Variants in THAP4 observed in about 807,000 individuals in gnomAD.
THAP4 encodes the protein THAP domain containing 4.
In THAP4, 18 loss-of-function variants were observed where a neutral mutation model predicts 48.1. The ratio of observed to expected loss-of-function variants is 0.37; its 90% CI spans 0.26 to 0.56. The LOEUF (loss-of-function observed/expected upper bound fraction) is 0.56, where lower values mean the gene tolerates loss of function less well. Among genes scored for constraint, THAP4 ranks in the 20% least tolerant of loss-of-function variants. The pLI, the probability that THAP4 is intolerant of heterozygous loss-of-function variation, is 0.78. For synonymous variants in THAP4, 345 were observed against 324.9 expected (o/e 1.06, Z -0.66); for missense variants, 656 against 774.9 (o/e 0.85, Z 1.82).
chr2:241,623,522 T>C (rs2067460143), intron 2 of THAP4, among the ~76,000 whole-genome samples: 1 of 151,148 alleles, frequency 6.6e-6, no homozygotes, highest in African/African-American at 2.4e-5. Context: ...GAGGTTGCGG[T>C]GAGCCAAAAT....
At chr2:241,585,935 AAAAAAG>A (rs1553553074) in intron 5 of THAP4, among the ~76,000 whole-genome samples, 20 of 146,998 alleles carry the variant, frequency 1.4e-4, no homozygotes, top group African/African-American at 4.5e-4. Flanking sequence ...AAAAAGAAAA[AAAAAAG>A]AAAAAGAAAA....
rs754524902 is a variant in THAP4 at position 241,601,808 on chromosome 2, G to A, written c.1614+88C>T. The A allele has an allele frequency of 3.7e-5, 58 of 1,573,814 alleles. No individual in the cohort carries two copies. Among genetic ancestry groups the A allele is most frequent in the Non-Finnish European group, 4.7e-5 (54 of 1,158,724 alleles). Reference sequence around the variant, plus strand: ...CCTGTGAGACACAGTGGCAAGACACGCACTACCTCACGGAAGAGGAAGAGG... The same window carrying A: ...CCTGTGAGACACAGTGGCAAGACACACACTACCTCACGGAAGAGGAAGAGG... On this transcript the variant is annotated intron_variant, in intron 5 of 5. Coordinates refer to ENST00000407315, the MANE Select transcript of THAP4 (RefSeq NM_015963.6). This position sits in a 1 kb window ranked among gnomAD's most constrained non-coding sequence, Gnocchi z 4.0.
Position 241,597,920 on chromosome 2 carries a change from CT to C in THAP4, c.1614+3975del, listed in dbSNP as rs561287519. Among the ~76,000 whole-genome samples, 6 of 151,430 alleles carry C rather than the reference CT, an allele frequency of 4.0e-5. No individual in the cohort carries two copies. The East Asian group carries it at 1.2e-3, about 29-fold the overall frequency. On this transcript the variant is annotated intron_variant, in intron 5 of 5. Coordinates refer to ENST00000407315, the MANE Select transcript of THAP4 (RefSeq NM_015963.6). Reference sequence around the variant, plus strand: ...CCCTCTATTTGCAGAAAAAGAGCCACTTTTTGTTAAATTAATAAAACCCAAA... The same window carrying C: ...CCCTCTATTTGCAGAAAAAGAGCCACTTTTGTTAAATTAATAAAACCCAAA...
In THAP4 at chr2:241,612,465, G is replaced by A. The variant is rs1428756541; in HGVS notation, c.1241-5992C>T. ...AATGACACACCTGTCCCCACAGGAC[G>A]CTGCCCATGAATGTTTACAGCAGCA... On this transcript the variant is annotated intron_variant, in intron 2 of 5. Transcript: ENST00000407315. This position sits in a 1 kb window ranked among gnomAD's most constrained non-coding sequence, Gnocchi z 4.1. Among the ~76,000 whole-genome samples the A allele has an allele frequency of 3.3e-5, 5 of 152,264 alleles. No homozygotes were observed. Among genetic ancestry groups the A allele is most frequent in the Admixed American group, 6.5e-5 (1 of 15,296 alleles).
At chr2:241,615,811 A>C (rs1410560094) in intron 2 of THAP4, among the ~76,000 whole-genome samples, 1 of 152,082 alleles carries the variant, frequency 6.6e-6, no homozygotes, top group Non-Finnish European at 1.5e-5. Flanking sequence ...ACTGGCAGCC[A>C]CCCAGCACAT....
At chr2:241,596,663 T>C (rs1357912417) in intron 5 of THAP4, among the ~76,000 whole-genome samples, 1 of 150,716 alleles carries the variant, frequency 6.6e-6, no homozygotes, top group Non-Finnish European at 1.5e-5. Context: ...GAAATTAGCC[T>C]GGCGTGGTGG....
intron 2 of THAP4, among the ~76,000 whole-genome samples, chr2:241,621,172 A>AC (rs1342602885): frequency 6.6e-6 from 1 of 152,034 alleles, no homozygotes; most frequent in African/African-American, 2.4e-5. Flanking sequence ...ACATGGTGAA[A>AC]CCCCATCTCT....
intron 2 of THAP4, among the ~76,000 whole-genome samples, chr2:241,606,930 G>A (rs1240867533): frequency 6.6e-6 from 1 of 152,186 alleles, no homozygotes; most frequent in Non-Finnish European, 1.5e-5. Flanking sequence ...AGCTCACACG[G>A]GAGGCACGGT....
rs900761751 is a variant in THAP4, at chr2:241,610,329, C to T, written c.1241-3856G>A. Among the ~76,000 whole-genome samples the T allele has an allele frequency of 1.3e-5, 2 of 152,172 alleles. No homozygotes were observed. Among genetic ancestry groups the T allele is most frequent in the Non-Finnish European group, 2.9e-5 (2 of 68,016 alleles). ...GGCGCCGCATCTCCGCCCTCTCTTG[C>T]GCCTGCGGGACCGGGAGGGCCGCGC... On this transcript the variant is annotated intron_variant, in intron 2 of 5. Transcript: ENST00000407315. This position sits in a 1 kb window ranked among gnomAD's most constrained non-coding sequence, Gnocchi z 4.2.
intron 2 of THAP4, among the ~76,000 whole-genome samples, chr2:241,620,110 G>C (rs1157585106): frequency 9.6e-6 from 1 of 103,892 alleles, no homozygotes; most frequent in Non-Finnish European, 2.0e-5. Context: ...GTGAGTGAGG[G>C]GTGAGGGGTA....
intron 5 of THAP4, among the ~76,000 whole-genome samples, chr2:241,595,003 T>C (rs554719875): frequency 1.3e-5 from 2 of 152,252 alleles, no homozygotes; most frequent in South Asian, 4.1e-4. Flanking sequence ...ATCTGAATAG[T>C]ATGTGAAGAT....
At chr2:241,634,111 A>G (rs1452798181) in intron 1 of THAP4, 32 bp from the exon 2 acceptor site, 1 of 1,449,676 alleles carries the variant, frequency 6.9e-7, no homozygotes, top group Admixed American at 2.4e-5. Flanking sequence ...GTAATTAGAA[A>G]TAATTAAATG....
In THAP4 at chr2:241,601,512, G is replaced by A. The variant is rs558881588; in HGVS notation, c.1614+384C>T. ...GCTGCCCTCATGCAAGAGATAGTGG[G>A]AGGATAATCATGAAGAAATACAATC... is the stretch of plus-strand genomic sequence containing the variant. On this transcript the variant is annotated intron_variant, in intron 5 of 5. Transcript: ENST00000407315. This position sits in a 1 kb window ranked among gnomAD's most constrained non-coding sequence, Gnocchi z 4.0. Among the ~76,000 whole-genome samples, 147 of 152,232 alleles carry A rather than the reference G, an allele frequency of 9.7e-4. No individual in the cohort carries two copies. Among genetic ancestry groups the A allele is most frequent in the Middle Eastern group, 3.4e-3 (1 of 292 alleles).
At position 241,603,035 on chromosome 2, in the gene THAP4, T is replaced by A. The variant is rs777738512; in HGVS notation, c.1445A>T (p.Glu482Val). The A allele has an allele frequency of 2.5e-6, 4 of 1,614,016 alleles. No individual in the cohort carries two copies. Among genetic ancestry groups the A allele is most frequent in the African/African-American group, 1.3e-5 (1 of 74,936 alleles). The change falls in exon 4 of 6, where the codon GAG becomes GTG. Residue 482 changes from glutamate (E) to valine (V), a missense_variant. Transcript: ENST00000407315. Reference sequence around the variant, plus strand: ...GGGCTTGAGGCGAATGAAGCCACACTCTCTGTGCATCGGCTTGCGCGTGTC... The same window carrying A: ...GGGCTTGAGGCGAATGAAGCCACACACTCTGTGCATCGGCTTGCGCGTGTC... The part of the protein sequence containing the change: ...HPDTRKPMHR[E>V]CGFIRLKPDT...
At chr2:241,622,548 T>C (rs1016312408) in intron 2 of THAP4, among the ~76,000 whole-genome samples, 11 of 151,758 alleles carry the variant, frequency 7.2e-5, no homozygotes, top group African/African-American at 2.2e-4. Flanking sequence ...TAAGTGAAGG[T>C]AAAATAAAAT....
intron 2 of THAP4, among the ~76,000 whole-genome samples, chr2:241,629,912 C>A (rs1317903874): frequency 6.6e-6 from 1 of 151,904 alleles, no homozygotes; most frequent in Non-Finnish European, 1.5e-5. Context: ...CTGACTAACA[C>A]AAGTAAGCAA....
chr2:241,617,593 TA>T lies in THAP4; in HGVS notation c.1241-11121del, dbSNP rs2067363806. 4 of 842,312 alleles carry T rather than the reference TA, an allele frequency of 4.7e-6. No individual in the cohort carries two copies. The East Asian group carries it at 1.1e-4, about 24-fold the overall frequency. The allele number at this position is 842,312 out of a possible 1,614,324, so 52.2% of individuals were successfully genotyped here. On this transcript the variant is annotated intron_variant, in intron 2 of 5. Coordinates refer to ENST00000407315, the MANE Select transcript of THAP4 (RefSeq NM_015963.6). The stretch of plus-strand genomic sequence containing the variant: ...TGAAAGATCACGTCTCAGAAGAAAG[TA>T]AAAGACAATGACAGCCCAGATCACA...
intron 4 of THAP4, 24 bp downstream of exon 4, chr2:241,602,946 C>T (rs369415563): frequency 3.2e-6 from 5 of 1,585,114 alleles, no homozygotes; most frequent in Non-Finnish European, 3.5e-6. Context: ...GGCCAGCCCT[C>T]CCGCCCCGCA....
chr2:241,610,780 AAGAAAGACGGAC>A lies in THAP4; in HGVS notation c.1241-4319_1241-4308del, dbSNP rs1204454371. Among the ~76,000 whole-genome samples, 1 of 152,042 alleles carries A rather than the reference AAGAAAGACGGAC, an allele frequency of 6.6e-6. No individual in the cohort carries two copies. Among genetic ancestry groups the A allele is most frequent in the Non-Finnish European group, 1.5e-5 (1 of 68,010 alleles). On this transcript the variant is annotated intron_variant, in intron 2 of 5. Transcript: ENST00000407315. The surrounding 1 kb of genome is among the most constrained non-coding windows in gnomAD (Gnocchi z 4.2). ...GAGAGGAGGCGCTCCTTAAATGGGG[AAGAAAGACGGAC>A]AGAGCCAGGGACAGCGAGAGACGGG...
Sources: allele counts gnomAD v4.1 joint callset (sites outside exome capture counted in the v4.1 genomes callset), GRCh38; gene constraint gnomAD v4.1.1; non-coding constraint Gnocchi (gnomAD v3.1); transcripts MANE v1.5; gene names NCBI Gene and HGNC (gene_info 2026-07-23, HGNC 2026-07-21).